Variants in MYT1L observed in about 807,000 individuals in gnomAD.
MYT1L encodes myelin transcription factor 1 like.
MYT1L carries 12 observed loss-of-function variants against 126.7 expected under a neutral mutation model. That is an observed-to-expected ratio of 0.09 (90% CI 0.06 to 0.15). MYT1L has a LOEUF of 0.15. Among genes scored for constraint, MYT1L ranks in the 10% least tolerant of loss-of-function variants. The pLI is 1.00. For missense variants in MYT1L, 979 were observed against 1,585.2 expected (o/e 0.62, Z 6.49); for synonymous variants, 541 against 604.2 (o/e 0.90, Z 1.53).
chr2:1,793,588 C>T lies in MYT1L; in HGVS notation c.3277-1124G>A, dbSNP rs1054187196. On this transcript the variant is annotated intron_variant, in intron 23 of 24. Coordinates refer to ENST00000647738, the MANE Select transcript of MYT1L (RefSeq NM_001303052.2). This position sits in a 1 kb window ranked among gnomAD's most constrained non-coding sequence, Gnocchi z 4.6. ...TACTGGGTCAAATCCCGGGTTCTCC[C>T]AGTCACCAGCCTCAGGCCCAGACCC... Among the ~76,000 whole-genome samples the T allele has an allele frequency of 5.3e-5, 8 of 152,198 alleles. No individual in the cohort carries two copies. The highest frequency in any genetic ancestry group is 1.7e-4 in the African/African-American group (7 of 41,452).
At chr2:2,009,900 T>G (rs1442639981) in intron 4 of MYT1L, among the ~76,000 whole-genome samples, 1 of 121,170 alleles carries the variant, frequency 8.3e-6, no homozygotes, top group Non-Finnish European at 1.8e-5. Context: ...TGTTAAGAGT[T>G]TTTTTTTTTT....
At chr2:1,835,985 G>T (rs1376039895) in intron 21 of MYT1L, among the ~76,000 whole-genome samples, 1 of 152,132 alleles carries the variant, frequency 6.6e-6, no homozygotes, top group African/African-American at 2.4e-5. Flanking sequence ...CAGGCAGCTG[G>T]AGTCATTTCC....
At chr2:2,246,339 T>C (rs140905959) in intron 2 of MYT1L, among the ~76,000 whole-genome samples, 1 of 152,330 alleles carries the variant, frequency 6.6e-6, no homozygotes, top group Non-Finnish European at 1.5e-5. Context: ...TCATCTTGCA[T>C]ATTTATGCTT....
chr2:2,282,006 G>T (rs1308725844), intron 2 of MYT1L, among the ~76,000 whole-genome samples: 3 of 152,188 alleles, frequency 2.0e-5, no homozygotes, highest in South Asian at 4.1e-4. Context: ...TTTCTTTAAT[G>T]GTAGTGGATC....
intron 9 of MYT1L, among the ~76,000 whole-genome samples, chr2:1,936,500 T>G (rs2055907380): frequency 6.6e-6 from 1 of 152,172 alleles, no homozygotes; most frequent in African/African-American, 2.4e-5. Flanking sequence ...GAGAGGTTAG[T>G]TTTAAGATGA....
intron 3 of MYT1L, among the ~76,000 whole-genome samples, chr2:2,100,540 A>C (rs2077939898): frequency 6.6e-6 from 1 of 152,102 alleles, no homozygotes; most frequent in Non-Finnish European, 1.5e-5. Context: ...ATCAGAAATA[A>C]CACTCAAACC....
At chr2:1,813,953 G>C (rs567487094) in intron 21 of MYT1L, among the ~76,000 whole-genome samples, 2 of 138,090 alleles carry the variant, frequency 1.4e-5, no homozygotes, top group East Asian at 4.4e-4. Context: ...CGCGAACCCG[G>C]GAGGCGGAGC....
At position 1,979,766 on chromosome 2, in the gene MYT1L, G is replaced by A; in HGVS notation, c.12C>T (p.Asp4=). The part of the protein sequence containing the change: MEV[D]TEEKRHRTRS... The stretch of plus-strand genomic sequence containing the variant: ...GCGTGCGATGCCGCTTCTCCTCGGT[G>A]TCCACCTCCATCTGGGGATAGATTA... The change falls in exon 6 of 25, where the codon GAC becomes GAT. Residue 4 remains aspartate, a synonymous_variant. Coordinates refer to ENST00000647738, the MANE Select transcript of MYT1L (RefSeq NM_001303052.2). This position sits in a 1 kb window ranked among gnomAD's most constrained non-coding sequence, Gnocchi z 4.0. 1 of 1,613,946 alleles carries A rather than the reference G, an allele frequency of 6.2e-7. No homozygotes were observed. The highest frequency in any genetic ancestry group is 8.5e-7 in the Non-Finnish European group (1 of 1,179,906).
intron 13 of MYT1L, among the ~76,000 whole-genome samples, chr2:1,906,911 C>T (rs1043743272): frequency 1.2e-4 from 18 of 150,650 alleles, no homozygotes; most frequent in Admixed American, 4.6e-4. Context: ...GACCCTGTCT[C>T]TCCAAAATAA....
chr2:2,012,108 A>C (rs150335550), intron 4 of MYT1L, among the ~76,000 whole-genome samples: 18 of 152,382 alleles, frequency 1.2e-4, no homozygotes, highest in African/African-American at 4.1e-4. Context: ...ATGTTCACAC[A>C]TTCATATAAA....
intron 2 of MYT1L, among the ~76,000 whole-genome samples, chr2:2,273,863 T>A (rs1247623144): frequency 6.6e-6 from 1 of 152,196 alleles, no homozygotes; most frequent in Non-Finnish European, 1.5e-5. Context: ...CAAAAAAAAT[T>A]ATTGTGGGTG....
At chr2:1,829,188 G>T (rs1234690386) in intron 21 of MYT1L, among the ~76,000 whole-genome samples, 1 of 152,016 alleles carries the variant, frequency 6.6e-6, no homozygotes, top group Non-Finnish European at 1.5e-5. Flanking sequence ...GCACTCCCTG[G>T]TTCCTTCTCC....
intron 3 of MYT1L, among the ~76,000 whole-genome samples, chr2:2,160,443 T>C (rs1171103572): frequency 1.3e-5 from 2 of 152,202 alleles, no homozygotes; most frequent in East Asian, 3.9e-4. Context: ...TTAAGAATGA[T>C]AGAGTATCAT....
chr2:1,851,658 A>G lies in MYT1L; in HGVS notation c.2757T>C (p.Asn919=). 1 of 1,613,898 alleles carries G rather than the reference A, an allele frequency of 6.2e-7. No individual in the cohort carries two copies. Among genetic ancestry groups the G allele is most frequent in the Non-Finnish European group, 8.5e-7 (1 of 1,179,808 alleles). The change falls in exon 19 of 25, where the codon AAT becomes AAC. Residue 919 remains asparagine (N), a synonymous_variant. Coordinates refer to ENST00000647738, the MANE Select transcript of MYT1L (RefSeq NM_001303052.2). ...CTACATACCTCCGATGAGAAGCATA[A>G]TTGCCGGTGATATGTCCAGAACCAT... ...GCDGSGHITG[N]YASHRSLSGC...
intron 3 of MYT1L, among the ~76,000 whole-genome samples, chr2:2,143,969 G>A (rs949990566): frequency 2.6e-5 from 4 of 151,306 alleles, no homozygotes; most frequent in Non-Finnish European, 5.9e-5. Context: ...TAGAGGGGGA[G>A]GGAGGGAGGG....
chr2:2,205,661 T>G (rs960135872), intron 2 of MYT1L, among the ~76,000 whole-genome samples: 2 of 152,196 alleles, frequency 1.3e-5, no homozygotes, highest in Non-Finnish European at 2.9e-5. Context: ...ATTTTTCTGG[T>G]GTCTAGAACT....
At chr2:1,833,685 T>A (rs2040476080) in intron 21 of MYT1L, among the ~76,000 whole-genome samples, 1 of 152,190 alleles carries the variant, frequency 6.6e-6, no homozygotes, top group South Asian at 2.1e-4. Context: ...ACCACGTATG[T>A]GTGTGCCCAG....
intron 2 of MYT1L, among the ~76,000 whole-genome samples, chr2:2,268,627 G>A (rs1052129879): frequency 6.6e-6 from 1 of 152,044 alleles, no homozygotes; most frequent in Admixed American, 6.6e-5. Context: ...AAGTTCAACT[G>A]GAAAACCACG....
At position 1,811,366 on chromosome 2, in the gene MYT1L, C is replaced by T. The variant is rs181857676; in HGVS notation, c.3081-2199G>A. 13 of 64,392 alleles carry T rather than the reference C, an allele frequency of 2.0e-4. No individual in the cohort carries two copies. In the East Asian group the frequency reaches 2.2e-3, roughly 11 times the overall value. The allele number at this position is 64,392 out of a possible 1,614,324, so 4.0% of individuals were successfully genotyped here. A position where few individuals can be genotyped will look rare whatever the true frequency, so the allele number is the denominator to read the frequency against. On this transcript the variant is annotated intron_variant, in intron 21 of 24. Transcript: ENST00000647738. The surrounding 1 kb of genome is among the most constrained non-coding windows in gnomAD (Gnocchi z 4.4). Reference sequence around the variant, plus strand: ...ACTTTAACCCCAGCGTCATCAGCTCCAGCATCATCAGCTCTGGCGTCATCA... The same window carrying T: ...ACTTTAACCCCAGCGTCATCAGCTCTAGCATCATCAGCTCTGGCGTCATCA...
Sources: gnomAD v4.1 joint callset for allele counts (sites outside exome capture counted in the v4.1 genomes callset) on GRCh38, gnomAD v4.1.1 for gene constraint, Gnocchi (gnomAD v3.1) non-coding constraint, MANE v1.5 for transcripts, NCBI Gene and HGNC (gene_info 2026-07-23, HGNC 2026-07-21) for gene names.